Variants in CPA4 observed in about 807,000 individuals in gnomAD.
CPA4 encodes the protein carboxypeptidase A3.
In CPA4, 49 loss-of-function variants were observed where a neutral mutation model predicts 54.7. The observed-to-expected ratio is 0.90, with a 90% CI of 0.71 to 1.14. The LOEUF (loss-of-function observed/expected upper bound fraction) is 1.14, where lower values mean the gene tolerates loss of function less well. Among genes scored for constraint, CPA4 ranks in the 50% most tolerant of loss-of-function variants. The pLI is 0.00. For missense variants in CPA4, 487 were observed against 525.1 expected (o/e 0.93, Z 0.71); for synonymous variants, 215 against 206.8 (o/e 1.04, Z -0.34).
At chr7:130,304,739 C>T (rs1793792764) in intron 5 of CPA4, 160 bp downstream of exon 5, 5 of 621,758 alleles carry the variant, frequency 8.0e-6, no homozygotes, top group Non-Finnish European at 1.4e-5. Context: ...GACAGAGCCC[C>T]TTGCTTTTGT....
Position 130,308,467 on chromosome 7 carries a change from C to A in CPA4, c.793+70C>A, listed in dbSNP as rs542864467. The A allele has an allele frequency of 5.1e-4, 653 of 1,277,816 alleles. 5 individuals carry two copies. The South Asian group carries it at 7.3e-3, about 14-fold the overall frequency. The allele number at this position is 1,277,816 out of a possible 1,614,324, so 79.2% of individuals were successfully genotyped here. A position where few individuals can be genotyped will look rare whatever the true frequency, so the allele number is the denominator to read the frequency against. On this transcript the variant is annotated intron_variant, in intron 8 of 10. Coordinates refer to ENST00000222482, the MANE Select transcript of CPA4 (RefSeq NM_016352.4). ...TCGCCTGGTCTACCAGTGCTCTGAG[C>A]TGGCCGGGACGGAGCGCGTTTCCAC...
At chr7:130,309,581 C>T (rs748256786) in intron 8 of CPA4, among the ~76,000 whole-genome samples, 19 of 152,130 alleles carry the variant, frequency 1.2e-4, no homozygotes, top group Admixed American at 4.6e-4. Context: ...AAGTACCTTC[C>T]GGTATTTATC....
intron 4 of CPA4, among the ~76,000 whole-genome samples, chr7:130,302,098 A>G (rs939310638): frequency 1.3e-5 from 2 of 152,186 alleles, no homozygotes; most frequent in African/African-American, 4.8e-5. Flanking sequence ...GCTTACAGCA[A>G]TCTTGTCCTC....
At chr7:130,298,188 C>CCCAGCATGGAGATGCTGTTTTCTTT (rs1793680858) in intron 1 of CPA4, among the ~76,000 whole-genome samples, 2 of 152,206 alleles carry the variant, frequency 1.3e-5, no homozygotes, top group Admixed American at 1.3e-4. Context: ...AGCTCACCCT[C>CCCAGCATGGAGATGCTGTTTTCTTT]CCAGCATGGA....
intron 10 of CPA4, among the ~76,000 whole-genome samples, chr7:130,313,618 C>G (rs193275322): frequency 6.1e-4 from 92 of 149,826 alleles, no homozygotes; most frequent in African/African-American, 2.1e-3. Context: ...GGCCAATCTG[C>G]CTGCTCCCAA....
At chr7:130,315,587 C>T (rs959856218) in intron 10 of CPA4, among the ~76,000 whole-genome samples, 1 of 151,870 alleles carries the variant, frequency 6.6e-6, no homozygotes, top group East Asian at 1.9e-4. Flanking sequence ...AAAGAGGCAC[C>T]CCGAACCTGG....
intron 10 of CPA4, among the ~76,000 whole-genome samples, chr7:130,316,877 C>A (rs1157111326): frequency 1.4e-5 from 2 of 146,016 alleles, no homozygotes; most frequent in Non-Finnish European, 3.0e-5. Flanking sequence ...AGGTTGCACT[C>A]CAGCCTGGGC....
At position 130,322,417 on chromosome 7, in the gene CPA4, A is replaced by C. The variant is rs139055273; in HGVS notation, c.1079-72A>C. 5.0e-5 allele frequency: 64 copies of C among 1,282,024 alleles called. No individual in the cohort carries two copies. The African/African-American group carries it at 9.5e-4, about 19-fold the overall frequency. 79.4% of individuals were successfully genotyped at this position (1,282,024 alleles called of 1,614,324 possible). ...TCCTTAAGGAACCCCAGGCAGGCAG[A>C]GCTCTTGGCCCCTTCCCATCTAACC... On this transcript the variant is annotated intron_variant, in intron 10 of 10. Coordinates refer to ENST00000222482, the MANE Select transcript of CPA4 (RefSeq NM_016352.4).
At chr7:130,301,087 AC>A (rs777846749) in intron 4 of CPA4, among the ~76,000 whole-genome samples, 173 bp downstream of exon 4, 5 of 152,156 alleles carry the variant, frequency 3.3e-5, no homozygotes, top group Non-Finnish European at 4.4e-5. Flanking sequence ...TCCTACCAGC[AC>A]CTCAGAGTGT....
rs754779125 is a variant in CPA4, at chr7:130,307,358, G to A, written c.702+461G>A. 5.9e-5 allele frequency among the ~76,000 whole-genome samples: 9 copies of A among 152,220 alleles called. No individual in the cohort carries two copies. In the South Asian group the frequency reaches 1.2e-3, roughly 21 times the overall value. ...TTAAAAATGGAGGCCGAGGCCAGGCGCGGTGGCTCACACCTGTAATCCCAG... is the reference window on the plus strand; with the variant it reads ...TTAAAAATGGAGGCCGAGGCCAGGCACGGTGGCTCACACCTGTAATCCCAG... On this transcript the variant is annotated intron_variant, in intron 7 of 10. Transcript: ENST00000222482.
At chr7:130,312,208 C>A in intron 10 of CPA4, 86 bp downstream of exon 10, 1 of 941,534 alleles carries the variant, frequency 1.1e-6, no homozygotes, top group Non-Finnish European at 1.7e-6. Flanking sequence ...GTAAGTTAGA[C>A]TTACTTGTCA....
At chr7:130,295,313 T>C (rs1793630924) in intron 1 of CPA4, among the ~76,000 whole-genome samples, 1 of 152,172 alleles carries the variant, frequency 6.6e-6, no homozygotes, top group Non-Finnish European at 1.5e-5. Context: ...CACAGACTCC[T>C]GTGAGGGTGA....
intron 1 of CPA4, among the ~76,000 whole-genome samples, chr7:130,295,501 A>G (rs1793634536): frequency 6.6e-6 from 1 of 152,218 alleles, no homozygotes; most frequent in Admixed American, 6.5e-5. Context: ...AAAGAGCTCA[A>G]GGTCTTTGAG....
chr7:130,322,374 G>C, intron 10 of CPA4, 115 bp from the exon 11 acceptor site: 3 of 789,850 alleles, frequency 3.8e-6, no homozygotes, highest in Non-Finnish European at 6.3e-6. Context: ...CTGATGACTT[G>C]AGGAGCAAAC....
chr7:130,298,039 C>T (rs1001947786), intron 1 of CPA4, among the ~76,000 whole-genome samples: 3 of 152,282 alleles, frequency 2.0e-5, no homozygotes, highest in Admixed American at 6.5e-5. Flanking sequence ...CCTCTCACCC[C>T]GTAGGGAGGA....
At chr7:130,309,145 C>A (rs1457297810) in intron 8 of CPA4, among the ~76,000 whole-genome samples, 1 of 152,200 alleles carries the variant, frequency 6.6e-6, no homozygotes, top group Non-Finnish European at 1.5e-5. Context: ...CGCATCCGGA[C>A]TGTTTGTTGT....
At chr7:130,315,175 C>T (rs936509421) in intron 10 of CPA4, among the ~76,000 whole-genome samples, 1 of 151,678 alleles carries the variant, frequency 6.6e-6, no homozygotes, top group East Asian at 1.9e-4. Flanking sequence ...GAGTCAGTTA[C>T]GGGTTGTGGC....
chr7:130,294,049 T>C (rs1793612739), intron 1 of CPA4, among the ~76,000 whole-genome samples: 1 of 152,204 alleles, frequency 6.6e-6, no homozygotes, highest in African/African-American at 2.4e-5. Context: ...CATAATACTT[T>C]ACCATTTGCA....
intron 10 of CPA4, among the ~76,000 whole-genome samples, chr7:130,312,884 G>A (rs144369889): frequency 1.0e-3 from 157 of 152,254 alleles, no homozygotes; most frequent in African/African-American, 3.3e-3. Flanking sequence ...TGATCAGAGC[G>A]GAGATTGTCT....
Sources: allele counts gnomAD v4.1 joint callset (sites outside exome capture counted in the v4.1 genomes callset), GRCh38; gene constraint gnomAD v4.1.1; transcripts MANE v1.5; gene names NCBI Gene and HGNC (gene_info 2026-07-23, HGNC 2026-07-21).